HTR7: variants seen among roughly 807,000 people sequenced by gnomAD.
HTR7 encodes 5-hydroxytryptamine receptor 7.
A neutral mutation model predicts 34.0 loss-of-function variants in HTR7; 16 were observed. The observed-to-expected ratio is 0.47, with a 90% CI of 0.32 to 0.71. The LOEUF (loss-of-function observed/expected upper bound fraction) is 0.71. HTR7 is among the 30% of genes least tolerant of loss of function. HTR7 has a pLI of 0.04. For missense variants in HTR7, 504 were observed against 625.5 expected (o/e 0.81, Z 2.07); for synonymous variants, 265 against 260.2 (o/e 1.02, Z -0.18).
chr10:90,785,767 A>AT (rs912837794), intron 1 of HTR7, among the ~76,000 whole-genome samples: 1 of 152,108 alleles, frequency 6.6e-6, no homozygotes, highest in African/African-American at 2.4e-5. Context: ...AACTATGCTG[A>AT]TTTTTTTCCC....
At chr10:90,853,549 CCAGCCT>C (rs1846533132) in intron 1 of HTR7, among the ~76,000 whole-genome samples, 1 of 151,684 alleles carries the variant, frequency 6.6e-6, no homozygotes, top group Non-Finnish European at 1.5e-5. Flanking sequence ...CAGCAATCCT[CCAGCCT>C]CAGCCTCCCA....
At chr10:90,839,203 T>C (rs971510875) in intron 1 of HTR7, among the ~76,000 whole-genome samples, 2 of 152,086 alleles carry the variant, frequency 1.3e-5, no homozygotes, top group Non-Finnish European at 2.9e-5. Flanking sequence ...AAATGAAAAA[T>C]TGTAAGACAA....
intron 1 of HTR7, among the ~76,000 whole-genome samples, chr10:90,832,633 C>T (rs1482835846): frequency 2.0e-5 from 3 of 152,200 alleles, no homozygotes; most frequent in Non-Finnish European, 4.4e-5. Flanking sequence ...CACAGTGCAG[C>T]AGTGGGCTGA....
intron 1 of HTR7, among the ~76,000 whole-genome samples, chr10:90,817,372 G>T (rs1221022089): frequency 6.6e-6 from 1 of 152,092 alleles, no homozygotes; most frequent in African/African-American, 2.4e-5. Flanking sequence ...TCTTCACAGG[G>T]ACACAACAAA....
intron 1 of HTR7, among the ~76,000 whole-genome samples, chr10:90,793,517 A>C (rs1845491290): frequency 7.2e-6 from 1 of 138,136 alleles, no homozygotes; most frequent in Admixed American, 7.3e-5. Context: ...TTTTTAAAAA[A>C]ACAATTTTTA....
At chr10:90,791,431 A>C (rs936204521) in intron 1 of HTR7, among the ~76,000 whole-genome samples, 1 of 152,120 alleles carries the variant, frequency 6.6e-6, no homozygotes, top group Non-Finnish European at 1.5e-5. Flanking sequence ...TTGCACATTG[A>C]ACACTGAACA....
At chr10:90,799,703 G>A (rs1177234618) in intron 1 of HTR7, among the ~76,000 whole-genome samples, 3 of 152,156 alleles carry the variant, frequency 2.0e-5, no homozygotes, top group Non-Finnish European at 2.9e-5. Context: ...GCAAACAGCT[G>A]CTGTTCCAAG....
intron 1 of HTR7, among the ~76,000 whole-genome samples, chr10:90,802,555 T>TA (rs1306380043): frequency 3.3e-5 from 5 of 152,170 alleles, no homozygotes; most frequent in Non-Finnish European, 5.9e-5. Context: ...CTATTGGAAA[T>TA]AAAAAAGATT....
chr10:90,838,546 C>A (rs929447808), intron 1 of HTR7, among the ~76,000 whole-genome samples: 1 of 152,198 alleles, frequency 6.6e-6, no homozygotes, highest in Non-Finnish European at 1.5e-5. Context: ...AATTAAAAGC[C>A]AGACCATTTC....
chr10:90,767,509 G>A (rs1414230584), intron 1 of HTR7, among the ~76,000 whole-genome samples: 5 of 152,130 alleles, frequency 3.3e-5, no homozygotes, highest in Non-Finnish European at 7.4e-5. Flanking sequence ...ATGAGCTGTG[G>A]TGGACTAAAT....
At chr10:90,786,754 C>T (rs1845385982) in intron 1 of HTR7, among the ~76,000 whole-genome samples, 1 of 152,140 alleles carries the variant, frequency 6.6e-6, no homozygotes, top group Non-Finnish European at 1.5e-5. Context: ...TGACATTTGC[C>T]TTCAAGATGT....
intron 1 of HTR7, among the ~76,000 whole-genome samples, chr10:90,834,044 G>A (rs1326222550): frequency 2.0e-5 from 3 of 152,142 alleles, no homozygotes; most frequent in Non-Finnish European, 4.4e-5. Context: ...TAAAAGGCAC[G>A]CTTACTGCAA....
At chr10:90,832,643 A>G (rs577789717) in intron 1 of HTR7, among the ~76,000 whole-genome samples, 4 of 152,308 alleles carry the variant, frequency 2.6e-5, no homozygotes, top group Non-Finnish European at 5.9e-5. Context: ...CAGTGGGCTG[A>G]AGGGCTCCTC....
In HTR7 at chr10:90,836,068, C is replaced by T. The variant is rs187979362; in HGVS notation, c.539+21065G>A. ...TAAGACACAAATTACGTATCCTTCCCGACCGACCTACTGATCCCACCTCAG... is the reference window on the plus strand; with the variant it reads ...TAAGACACAAATTACGTATCCTTCCTGACCGACCTACTGATCCCACCTCAG... On this transcript the variant is annotated intron_variant, in intron 1 of 3. Transcript: ENST00000336152. Among the ~76,000 whole-genome samples the T allele has an allele frequency of 1.1e-4, 16 of 152,220 alleles. No homozygotes were observed. The East Asian group carries it at 2.3e-3, about 22-fold the overall frequency.
At chr10:90,838,029 T>C (rs1174181969) in intron 1 of HTR7, among the ~76,000 whole-genome samples, 1 of 152,152 alleles carries the variant, frequency 6.6e-6, no homozygotes, top group Non-Finnish European at 1.5e-5. Context: ...CCAAACATTT[T>C]ATCCCTCAAA....
At chr10:90,836,153 ACACT>A (rs547360778) in intron 1 of HTR7, among the ~76,000 whole-genome samples, 15 of 152,176 alleles carry the variant, frequency 9.9e-5, no homozygotes, top group African/African-American at 1.4e-4. Flanking sequence ...ATTATTGGAT[ACACT>A]TTGGCCCCCA....
At chr10:90,783,997 C>T (rs1323347310) in intron 1 of HTR7, among the ~76,000 whole-genome samples, 1 of 152,158 alleles carries the variant, frequency 6.6e-6, no homozygotes, top group African/African-American at 2.4e-5. Context: ...TTGACAGCTA[C>T]AATACAATTA....
At chr10:90,776,334 T>C (rs1049141792) in intron 1 of HTR7, among the ~76,000 whole-genome samples, 3 of 152,264 alleles carry the variant, frequency 2.0e-5, no homozygotes, top group Admixed American at 1.3e-4. Flanking sequence ...TGTTTCCTTC[T>C]TCTGCTGTCT....
intron 1 of HTR7, among the ~76,000 whole-genome samples, chr10:90,809,272 G>T (rs959192362): frequency 8.5e-5 from 13 of 152,238 alleles, no homozygotes; most frequent in African/African-American, 3.1e-4. Flanking sequence ...AAGGTGGCTG[G>T]AGCTAAAGAC....
Sources: allele counts gnomAD v4.1 joint callset (sites outside exome capture counted in the v4.1 genomes callset), GRCh38; gene constraint gnomAD v4.1.1; transcripts MANE v1.5; gene names NCBI Gene and HGNC (gene_info 2026-07-23, HGNC 2026-07-21).